HAVCR2: variants seen among roughly 807,000 people sequenced by gnomAD.
The protein encoded by HAVCR2 is hepatitis A virus cellular receptor 2.
Under a neutral mutation model 24.7 loss-of-function variants are expected in HAVCR2, and 13 were observed. That is an observed-to-expected ratio of 0.53 (90% CI 0.34 to 0.84). HAVCR2 has a LOEUF of 0.84. HAVCR2 is among the 40% of genes least tolerant of loss of function. HAVCR2 has a pLI of 0.01. For missense variants in HAVCR2, 343 were observed against 371.2 expected, an observed-to-expected ratio of 0.92 and a Z score of 0.62; for synonymous variants, 154 against 143.4, an observed-to-expected ratio of 1.07 and a Z score of -0.53.
At chr5:157,103,359 A>C (rs145465336) in intron 3 of HAVCR2, among the ~76,000 whole-genome samples, 3,833 of 134,822 alleles carry the variant, frequency 0.028, 87 homozygotes, top group Admixed American at 0.048. Flanking sequence ...TGACAGAGCA[A>C]GACTCCGTCT....
At position 157,087,051 on chromosome 5, in the gene HAVCR2, A is replaced by G. The variant is rs569987584; in HGVS notation, c.*51T>C. ...CAAAACCAGTCAGGTGACACAGCTC[A>G]TAGTTTCTGAAAAAGACAAAACACC... On this transcript the variant is annotated 3_prime_UTR_variant, in exon 7 of 7. Coordinates refer to ENST00000307851, the MANE Select transcript of HAVCR2 (RefSeq NM_032782.5). The G allele has an allele frequency of 3.1e-5, 48 of 1,546,154 alleles. No individual in the cohort carries two copies. The South Asian group carries it at 5.0e-4, about 16-fold the overall frequency.
chr5:157,106,426 A>G, intron 2 of HAVCR2: 1 of 581,148 alleles, frequency 1.7e-6, no homozygotes, highest in Non-Finnish European at 3.1e-6. Context: ...CACCACGCCC[A>G]GGCACACCCA....
intron 3 of HAVCR2, among the ~76,000 whole-genome samples, chr5:157,101,777 T>A (rs1323180263): frequency 6.6e-6 from 1 of 151,306 alleles, no homozygotes; most frequent in East Asian, 1.9e-4. Flanking sequence ...CTCCATTTTT[T>A]TTTTTTTTTT....
In HAVCR2 at chr5:157,096,949, CACACACACACACACATAT is replaced by C. The variant is rs1339725163; in HGVS notation, c.523-1508_523-1491del. Among the ~76,000 whole-genome samples the C allele has an allele frequency of 4.2e-3, 630 of 150,790 alleles. 6 individuals carry two copies. The highest frequency in any genetic ancestry group is 0.014 in the African/African-American group (565 of 40,574). On this transcript the variant is annotated intron_variant, in intron 4 of 6. Coordinates refer to ENST00000307851, the MANE Select transcript of HAVCR2 (RefSeq NM_032782.5). ...CAAAACACACACACACACACACACA[CACACACACACACACATAT>C]AATTATAAGCATTTTTAAAACAATG...
At chr5:157,094,830 C>T (rs1241321007) in intron 5 of HAVCR2, among the ~76,000 whole-genome samples, 1 of 152,140 alleles carries the variant, frequency 6.6e-6, no homozygotes, top group Non-Finnish European at 1.5e-5. Context: ...CAGTCTACTG[C>T]CAGAGAGGTA....
chr5:157,090,128 T>TC (rs1581754928), intron 5 of HAVCR2, among the ~76,000 whole-genome samples: 2 of 116,872 alleles, frequency 1.7e-5, no homozygotes, highest in Non-Finnish European at 3.6e-5. Flanking sequence ...TTTTCTTTTT[T>TC]TTTTTTTTTT....
intron 1 of HAVCR2, among the ~76,000 whole-genome samples, chr5:157,108,566 A>C (rs1000499475): frequency 2.6e-5 from 4 of 152,016 alleles, no homozygotes; most frequent in African/African-American, 9.7e-5. Context: ...TACTCTCCCA[A>C]CTCTTTACCA....
At chr5:157,097,612 C>G (rs1055925308) in intron 4 of HAVCR2, among the ~76,000 whole-genome samples, 2 of 151,478 alleles carry the variant, frequency 1.3e-5, no homozygotes, top group Non-Finnish European at 2.9e-5. Context: ...AGTGGTTTTT[C>G]TTTTATGAGG....
intron 2 of HAVCR2, among the ~76,000 whole-genome samples, chr5:157,105,274 G>C (rs1757231055): frequency 6.6e-6 from 1 of 152,134 alleles, no homozygotes; most frequent in Admixed American, 6.5e-5. Flanking sequence ...ATGTTGGTCA[G>C]ACTGGTCTCG....
chr5:157,088,575 A>G (rs958184219), intron 6 of HAVCR2, among the ~76,000 whole-genome samples: 17 of 152,216 alleles, frequency 1.1e-4, no homozygotes, highest in Non-Finnish European at 2.4e-4. Context: ...GAGAACAGAT[A>G]CTGGGTTTCT....
At chr5:157,107,518 T>C (rs1329566290) in intron 1 of HAVCR2, among the ~76,000 whole-genome samples, 2 of 152,200 alleles carry the variant, frequency 1.3e-5, no homozygotes, top group Admixed American at 6.6e-5. Context: ...TTGAAACTAC[T>C]CATGGAGTTG....
At chr5:157,102,793 G>A (rs1026537418) in intron 3 of HAVCR2, among the ~76,000 whole-genome samples, 20 of 152,188 alleles carry the variant, frequency 1.3e-4, no homozygotes, top group African/African-American at 4.8e-4. Context: ...AAATTAGCGG[G>A]GCGTGGTGGC....
At chr5:157,098,538 G>T (rs1757125889) in intron 4 of HAVCR2, among the ~76,000 whole-genome samples, 1 of 152,180 alleles carries the variant, frequency 6.6e-6, no homozygotes, top group South Asian at 2.1e-4. Flanking sequence ...ATTCTAGGGA[G>T]ATGAAGAATC....
chr5:157,098,905 TAA>T lies in HAVCR2; in HGVS notation c.479-6_479-5del. On this transcript the variant is annotated splice_region_variant and splice_polypyrimidine_tract_variant and intron_variant, in intron 3 of 6. Transcript: ENST00000307851. ...CTCCCCAGTGTCTGTGTCTCTGCTA[TAA>T]AAAGAGAGAGAGAGAGAGAGAGAGG... 6.2e-7 allele frequency: 1 copy of T among 1,611,308 alleles called. No individual in the cohort carries two copies. Among genetic ancestry groups the T allele is most frequent in the South Asian group, 1.1e-5 (1 of 90,874 alleles).
chr5:157,106,961 C>A lies in HAVCR2; in HGVS notation c.60G>T (p.Arg20Ser), dbSNP rs779965942. The A allele has an allele frequency of 2.5e-6, 4 of 1,609,258 alleles. No homozygotes were observed. Among genetic ancestry groups the A allele is most frequent in the South Asian group, 1.1e-5 (1 of 90,558 alleles). ...VLLLLLLLLTRSSEVEYRAEV... is the reference protein window; with the variant it reads ...VLLLLLLLLTSSSEVEYRAEV... ...CCGCTCTGTATTCCACTTCTGAGGACCCTGCATAGAGAGAGAAGGAGAGCC... is the reference window on the plus strand; with the variant it reads ...CCGCTCTGTATTCCACTTCTGAGGAACCTGCATAGAGAGAGAAGGAGAGCC... Residue 20 changes from arginine to serine, a missense_variant and splice_region_variant, in exon 2 of 7, where the codon AGG becomes AGT. Transcript: ENST00000307851.
chr5:157,088,934 T>C lies in HAVCR2; in HGVS notation c.713+7A>G. 6.2e-7 allele frequency: 1 copy of C among 1,609,524 alleles called. No individual in the cohort carries two copies. The highest frequency in any genetic ancestry group is 1.3e-5 in the African/African-American group (1 of 74,854). ...ACCTTTTCCCAACCCCATTCCATTA[T>C]TCTTACCTTAAATTCTGTATCTTCT... is the stretch of plus-strand genomic sequence containing the variant. On this transcript the variant is annotated splice_region_variant and intron_variant, in intron 6 of 6. Coordinates refer to ENST00000307851, the MANE Select transcript of HAVCR2 (RefSeq NM_032782.5).
chr5:157,094,631 C>A (rs1336223504), intron 5 of HAVCR2, among the ~76,000 whole-genome samples: 5 of 151,990 alleles, frequency 3.3e-5, no homozygotes, highest in African/African-American at 7.2e-5. Flanking sequence ...GATCCACCCC[C>A]CTCAGCCTCC....
At chr5:157,092,557 C>T (rs1757020160) in intron 5 of HAVCR2, among the ~76,000 whole-genome samples, 1 of 151,944 alleles carries the variant, frequency 6.6e-6, no homozygotes, top group Non-Finnish European at 1.5e-5. Flanking sequence ...AGTGATTCTC[C>T]CACCTCAGCT....
At chr5:157,098,148 T>C (rs1325263843) in intron 4 of HAVCR2, among the ~76,000 whole-genome samples, 1 of 152,084 alleles carries the variant, frequency 6.6e-6, no homozygotes, top group African/African-American at 2.4e-5. Flanking sequence ...GGCTCACGCC[T>C]GCAATCTCAG....
Sources: gnomAD v4.1 joint callset for allele counts (sites outside exome capture counted in the v4.1 genomes callset) on GRCh38, gnomAD v4.1.1 for gene constraint, MANE v1.5 for transcripts, NCBI Gene and HGNC (gene_info 2026-07-23, HGNC 2026-07-21) for gene names.